SLC5A10: variants seen among roughly 807,000 people sequenced by gnomAD.
SLC5A10 encodes the protein solute carrier family 5 member 10.
SLC5A10 carries 55 observed loss-of-function variants against 68.9 expected under a neutral mutation model. That is an observed-to-expected ratio of 0.80 (90% CI 0.64 to 1.00). The LOEUF (loss-of-function observed/expected upper bound fraction) is 1.00. SLC5A10 is among the 50% of genes least tolerant of loss of function. The probability of loss-of-function intolerance (pLI) is 0.00; values close to 1 mark genes in which losing one functional copy is unlikely to be tolerated. For synonymous variants in SLC5A10, 344 were observed against 344.8 expected (o/e 1.00, Z 0.02); for missense variants, 732 against 819.3 (o/e 0.89, Z 1.30).
At chr17:18,992,478 C>G (rs575683778) in intron 9 of SLC5A10, among the ~76,000 whole-genome samples, 12 of 152,340 alleles carry the variant, frequency 7.9e-5, no homozygotes, top group African/African-American at 2.9e-4. Flanking sequence ...CCACTGCCCC[C>G]CAGCAGACAC....
intron 9 of SLC5A10, among the ~76,000 whole-genome samples, chr17:18,991,548 G>A (rs368140918): frequency 6.3e-4 from 96 of 152,286 alleles, no homozygotes; most frequent in African/African-American, 2.3e-3. Flanking sequence ...TCTACCTGCT[G>A]TTATGTCAGG....
At chr17:18,973,070 G>A (rs1359300697) in intron 8 of SLC5A10, among the ~76,000 whole-genome samples, 1 of 152,188 alleles carries the variant, frequency 6.6e-6, no homozygotes, top group African/African-American at 2.4e-5. Context: ...GCAGGCGTCT[G>A]CCCAGTTCTC....
At chr17:18,990,858 G>C (rs1300470944) in intron 9 of SLC5A10, among the ~76,000 whole-genome samples, 1 of 152,216 alleles carries the variant, frequency 6.6e-6, no homozygotes, top group Non-Finnish European at 1.5e-5. Flanking sequence ...AGGTTTCTTG[G>C]GGGCCCTTGA....
At chr17:18,977,240 G>C in intron 9 of SLC5A10, 7 of 599,960 alleles carry the variant, frequency 1.2e-5, no homozygotes, top group South Asian at 8.7e-5. Flanking sequence ...CCTGTGCCCC[G>C]CCTTTTCCTC....
chr17:18,962,725 G>T (rs966267935), intron 5 of SLC5A10, among the ~76,000 whole-genome samples: 4 of 152,174 alleles, frequency 2.6e-5, no homozygotes, highest in Non-Finnish European at 4.4e-5. Flanking sequence ...GAATCTTCCA[G>T]AGGGTGGACT....
Position 19,022,200 on chromosome 17 carries a change from T to C in SLC5A10, c.*1769T>C. 1 of 990,752 alleles carries C rather than the reference T, an allele frequency of 1.0e-6. No individual in the cohort carries two copies. Among genetic ancestry groups the C allele is most frequent in the Admixed American group, 3.7e-5 (1 of 27,334 alleles). The allele number at this position is 990,752 out of a possible 1,614,324, so 61.4% of individuals were successfully genotyped here. On this transcript the variant is annotated 3_prime_UTR_variant, in exon 15 of 15. Transcript: ENST00000395645. ...CCTTCAGAAGCCCTGCAACCCACCC[T>C]CCCTCAGAGGCACCCAAGAGAAGTG...
At chr17:19,019,194 A>G in intron 11 of SLC5A10, 2 of 557,916 alleles carry the variant, frequency 3.6e-6, no homozygotes, top group Non-Finnish European at 6.3e-6. Context: ...AGGAGCAGAC[A>G]GCACTTAGAG....
intron 1 of SLC5A10, 42 bp downstream of exon 1, chr17:18,952,358 G>A (rs768258505): frequency 1.3e-6 from 2 of 1,584,366 alleles, no homozygotes; most frequent in Non-Finnish European, 1.7e-6. Context: ...GGGCTCTCAG[G>A]GTTGGTGCTT....
At chr17:18,978,314 T>A in intron 9 of SLC5A10, 1 of 1,609,342 alleles carries the variant, frequency 6.2e-7, no homozygotes, top group Non-Finnish European at 8.5e-7. Flanking sequence ...CTGGGAGGTG[T>A]CACGGATCTT....
intron 5 of SLC5A10, among the ~76,000 whole-genome samples, chr17:18,962,639 G>A (rs542741945): frequency 2.0e-5 from 3 of 152,128 alleles, no homozygotes; most frequent in Admixed American, 6.6e-5. Context: ...CAGGTGGAGC[G>A]GGGGTGGTGT....
intron 9 of SLC5A10, among the ~76,000 whole-genome samples, chr17:19,005,851 C>T (rs1389944682): frequency 6.6e-6 from 1 of 152,234 alleles, no homozygotes; most frequent in African/African-American, 2.4e-5. Flanking sequence ...CCCTGGGGAA[C>T]AGGCACACAT....
upstream of SLC5A10, chr17:18,951,945 G>A (rs965744609): frequency 1.7e-5 from 8 of 471,826 alleles, no homozygotes; most frequent in Non-Finnish European, 3.0e-5. Flanking sequence ...CCGAGTTCAA[G>A]GAGGCTCCTT....
At chr17:18,997,392 G>A (rs564387888) in intron 9 of SLC5A10, among the ~76,000 whole-genome samples, 72 of 152,346 alleles carry the variant, frequency 4.7e-4, no homozygotes, top group African/African-American at 1.6e-3. Flanking sequence ...CCCGCTGGCC[G>A]CAAGGAGCTT....
chr17:18,965,235 G>A (rs945940619), intron 5 of SLC5A10, among the ~76,000 whole-genome samples: 3 of 152,136 alleles, frequency 2.0e-5, no homozygotes, highest in Non-Finnish European at 2.9e-5. Flanking sequence ...TTTTGGAGAC[G>A]GAATCCATAG....
chr17:18,977,802 C>A, intron 9 of SLC5A10: 1 of 1,603,490 alleles, frequency 6.2e-7, no homozygotes, highest in East Asian at 2.2e-5. Flanking sequence ...TGCTCTCTCA[C>A]CTCGAAGTAC....
At chr17:18,988,456 G>A (rs200759844) in intron 9 of SLC5A10, 2 of 1,602,048 alleles carry the variant, frequency 1.2e-6, no homozygotes, top group Non-Finnish European at 1.7e-6. Context: ...AGACAGTGCA[G>A]CAGTGGGGAC....
At chr17:18,991,634 A>G (rs566737998) in intron 9 of SLC5A10, among the ~76,000 whole-genome samples, 1 of 152,330 alleles carries the variant, frequency 6.6e-6, no homozygotes, top group Non-Finnish European at 1.5e-5. Context: ...GGAACCAGCC[A>G]TGTCCATGTG....
At chr17:18,997,465 G>A (rs2043596795) in intron 9 of SLC5A10, among the ~76,000 whole-genome samples, 2 of 152,348 alleles carry the variant, frequency 1.3e-5, no homozygotes, top group Admixed American at 6.5e-5. Context: ...CATCCCATGT[G>A]GGCAGCAAAC....
chr17:18,993,584 C>T (rs2152134681), intron 9 of SLC5A10, among the ~76,000 whole-genome samples: 1 of 152,308 alleles, frequency 6.6e-6, no homozygotes, highest in South Asian at 2.1e-4. Flanking sequence ...AGGACAGATA[C>T]CCTCAAGCCT....
Sources: gnomAD v4.1 joint callset for allele counts (sites outside exome capture counted in the v4.1 genomes callset) on GRCh38, gnomAD v4.1.1 for gene constraint, MANE v1.5 for transcripts, NCBI Gene and HGNC (gene_info 2026-07-23, HGNC 2026-07-21) for gene names.